MAP3K5: variants seen among roughly 807,000 people sequenced by gnomAD.
MAP3K5 encodes the protein mitogen-activated protein kinase kinase kinase 5, also known as ASK-1.
Under a neutral mutation model 158.7 loss-of-function variants are expected in MAP3K5, and 56 were observed. That is an observed-to-expected ratio of 0.35 (90% CI 0.28 to 0.44). The LOEUF is 0.44. Ranked by LOEUF, MAP3K5 falls within the 20% of genes least tolerant of loss-of-function variation. MAP3K5 has a pLI of 1.00. For missense variants in MAP3K5, 1,294 were observed against 1,674.8 expected (o/e 0.77, Z 3.97); for synonymous variants, 579 against 601.7 (o/e 0.96, Z 0.55).
At chr6:136,737,630 T>C (rs938655500) in intron 1 of MAP3K5, among the ~76,000 whole-genome samples, 1 of 152,198 alleles carries the variant, frequency 6.6e-6, no homozygotes, top group Non-Finnish European at 1.5e-5. Context: ...CCATCCATCA[T>C]AGCACCATGG....
intron 7 of MAP3K5, among the ~76,000 whole-genome samples, chr6:136,680,903 G>C (rs1378405892): frequency 6.6e-6 from 1 of 152,152 alleles, no homozygotes; most frequent in African/African-American, 2.4e-5. Flanking sequence ...GGGCGGGGCT[G>C]GGGGTGTAGA....
At chr6:136,610,137 C>T (rs561995283) in intron 18 of MAP3K5, among the ~76,000 whole-genome samples, 3 of 151,958 alleles carry the variant, frequency 2.0e-5, no homozygotes, top group African/African-American at 7.2e-5. Flanking sequence ...CTTCCCCTTA[C>T]CCTTTTTTTT....
Position 136,557,806 on chromosome 6 carries a change from C to T in MAP3K5, c.4077G>A (p.Leu1359=), listed in dbSNP as rs369638455. The T allele has an allele frequency of 5.6e-6, 9 of 1,609,664 alleles. No homozygotes were observed. The highest frequency in any genetic ancestry group is 1.3e-5 in the African/African-American group (1 of 74,830). ...CAATGATAGCCTTCCACAGTGTGCA[C>T]AGCATCCCTCCCCTGTTTAAAGACA... ...LKCLRLRGGM[L]CTLWKAIIDF... is the part of the protein sequence containing the mutation. Residue 1359 remains leucine, a synonymous_variant, in exon 30 of 30, where the codon CTG becomes CTA. Transcript: ENST00000359015.
intron 18 of MAP3K5, among the ~76,000 whole-genome samples, chr6:136,607,049 G>A (rs1470824005): frequency 6.6e-6 from 1 of 152,294 alleles, no homozygotes; most frequent in East Asian, 1.9e-4. Flanking sequence ...CAAAGACAAG[G>A]CAACCATGCT....
At chr6:136,565,549 G>A (rs1774062363) in intron 26 of MAP3K5, among the ~76,000 whole-genome samples, 1 of 152,154 alleles carries the variant, frequency 6.6e-6, no homozygotes, top group African/African-American at 2.4e-5. Flanking sequence ...CTCCAAGCAG[G>A]ATAAACCTGA....
intron 8 of MAP3K5, among the ~76,000 whole-genome samples, chr6:136,662,084 A>G (rs932720727): frequency 6.6e-6 from 1 of 152,220 alleles, no homozygotes; most frequent in African/African-American, 2.4e-5. Context: ...TCTTGTACAC[A>G]CAGCTTTGTG....
rs1382718236 is a variant in MAP3K5 at position 136,779,661 on chromosome 6, CT to C, written c.448+12048del. Among the ~76,000 whole-genome samples the C allele has an allele frequency of 3.3e-5, 5 of 152,046 alleles. No homozygotes were observed. The East Asian group carries it at 9.6e-4, about 29-fold the overall frequency. ...GGACCTTTTTCCTTCATAAAATAGG[CT>C]TATTTGGAACAGTCTAAACTACTGA... On this transcript the variant is annotated intron_variant, in intron 1 of 29. Coordinates refer to ENST00000359015, the MANE Select transcript of MAP3K5 (RefSeq NM_005923.4).
At chr6:136,771,945 A>G (rs1300358584) in intron 1 of MAP3K5, among the ~76,000 whole-genome samples, 1 of 151,732 alleles carries the variant, frequency 6.6e-6, no homozygotes, top group East Asian at 1.9e-4. Context: ...TTTGAGACAC[A>G]GTCTTGCTCC....
chr6:136,629,009 C>T (rs1777180483), intron 14 of MAP3K5, among the ~76,000 whole-genome samples: 1 of 152,192 alleles, frequency 6.6e-6, no homozygotes, highest in Non-Finnish European at 1.5e-5. Context: ...CATTCTATTT[C>T]TATGGTAATA....
At chr6:136,639,406 T>A (rs769893229) in intron 13 of MAP3K5, 137 bp downstream of exon 13, 1 of 480,774 alleles carries the variant, frequency 2.1e-6, no homozygotes, top group Non-Finnish European at 3.7e-6. Flanking sequence ...GATATAATTA[T>A]AAAATATTAG....
At chr6:136,628,061 A>G (rs1185536830) in intron 14 of MAP3K5, among the ~76,000 whole-genome samples, 2 of 152,162 alleles carry the variant, frequency 1.3e-5, no homozygotes, top group Admixed American at 6.5e-5. Context: ...AAACATTTAG[A>G]GTCATTATTG....
intron 23 of MAP3K5, among the ~76,000 whole-genome samples, chr6:136,591,016 T>G (rs1417687183): frequency 6.6e-6 from 1 of 152,184 alleles, no homozygotes; most frequent in Non-Finnish European, 1.5e-5. Context: ...TCCTGTGATG[T>G]TCTCATGATA....
intron 1 of MAP3K5, among the ~76,000 whole-genome samples, chr6:136,761,469 C>A (rs1447886462): frequency 1.3e-5 from 2 of 152,056 alleles, no homozygotes; most frequent in Non-Finnish European, 2.9e-5. Context: ...TGGGAAGAAG[C>A]CAGGAGCCTG....
chr6:136,651,682 G>A (rs1034560850), intron 10 of MAP3K5, among the ~76,000 whole-genome samples: 6 of 152,030 alleles, frequency 3.9e-5, no homozygotes, highest in Admixed American at 2.0e-4. Context: ...TGAAACTGGC[G>A]TCTTCAATAA....
At position 136,583,770 on chromosome 6, in the gene MAP3K5, C is replaced by T. The variant is rs541089130; in HGVS notation, c.3226-30G>A. ...GAATAAAAATCAACAATCCTTACAT[C>T]AACATATGCTGGATATACCTGCCAT... On this transcript the variant is annotated intron_variant, in intron 23 of 29. Transcript: ENST00000359015. 1,670 of 1,598,380 alleles carry T rather than the reference C, an allele frequency of 1.0e-3. 27 individuals are homozygous for T. In the South Asian group the frequency reaches 0.017, roughly 17 times the overall value.
intron 1 of MAP3K5, among the ~76,000 whole-genome samples, chr6:136,778,569 T>C (rs1165080196): frequency 6.6e-6 from 1 of 152,230 alleles, no homozygotes; most frequent in Admixed American, 6.5e-5. Flanking sequence ...AGACCTTAGA[T>C]ATCTTGCAGA....
At chr6:136,628,994 T>C (rs1456002145) in intron 14 of MAP3K5, among the ~76,000 whole-genome samples, 1 of 152,268 alleles carries the variant, frequency 6.6e-6, no homozygotes, top group African/African-American at 2.4e-5. Context: ...TGCTTATATA[T>C]TTTGCATTCT....
chr6:136,652,169 C>T (rs1698002544), intron 10 of MAP3K5, among the ~76,000 whole-genome samples: 1 of 152,122 alleles, frequency 6.6e-6, no homozygotes, highest in African/African-American at 2.4e-5. Flanking sequence ...GAAATGCACT[C>T]TCAGAAAGCA....
At chr6:136,699,676 T>A (rs997112499) in intron 3 of MAP3K5, among the ~76,000 whole-genome samples, 2 of 152,168 alleles carry the variant, frequency 1.3e-5, no homozygotes, top group African/African-American at 4.8e-5. Context: ...GTGAGTTGGA[T>A]ACCCTGAGTA....
Sources: gnomAD v4.1 joint callset for allele counts (sites outside exome capture counted in the v4.1 genomes callset) on GRCh38, gnomAD v4.1.1 for gene constraint, MANE v1.5 for transcripts, NCBI Gene and HGNC (gene_info 2026-07-23, HGNC 2026-07-21) for gene names.